The following AGAP1 variants were observed in gnomAD, a reference collection of about 807,000 sequenced individuals.
The protein encoded by AGAP1 is ArfGAP with GTPase domain, ankyrin repeat and PH domain 1, also known as arf-GAP with GTPase, ANK repeat and PH domain-containing protein 1.
AGAP1 carries 29 observed loss-of-function variants against 105.3 expected under a neutral mutation model. The ratio of observed to expected loss-of-function variants is 0.28; its 90% confidence interval spans 0.21 to 0.38. AGAP1 has a LOEUF of 0.38. Among genes scored for constraint, AGAP1 ranks in the 10% least tolerant of loss-of-function variants. The pLI, the probability that AGAP1 is intolerant of heterozygous loss-of-function variation, is 1.00. For synonymous variants in AGAP1, 509 were observed against 485.9 expected (o/e 1.05, Z -0.63); for missense variants, 998 against 1,165.1 (o/e 0.86, Z 2.09).
chr2:235,860,302 T>A (rs943249208), intron 9 of AGAP1, among the ~76,000 whole-genome samples: 8 of 152,218 alleles, frequency 5.3e-5, no homozygotes, highest in African/African-American at 1.9e-4. Context: ...AGTCATTACG[T>A]AAGTGCGTTC....
chr2:235,712,983 G>A lies in AGAP1; in HGVS notation c.222+3746G>A, dbSNP rs754323604. ...AATGATGCCATCGTGTGTGACTGAG[G>A]TGGTCTGTGAGATGGCTGTTCCAGC... is the stretch of plus-strand genomic sequence containing the variant. On this transcript the variant is annotated intron_variant, in intron 2 of 17. Coordinates refer to ENST00000304032, the MANE Select transcript of AGAP1 (RefSeq NM_001037131.3). The surrounding 1 kb of genome is among the most constrained non-coding windows in gnomAD (Gnocchi z 6.0). 3.3e-5 allele frequency among the ~76,000 whole-genome samples: 5 copies of A among 152,198 alleles called. No individual in the cohort carries two copies. The South Asian group carries it at 6.2e-4, about 19-fold the overall frequency.
Position 235,992,779 on chromosome 2 carries a change from T to C in AGAP1, c.1645+24156T>C, listed in dbSNP as rs1398400582. ...CGCCGAGGAGAGCGTAGCCTCCTGT[T>C]AACGTAGCCTCCTGCTGCTCTTTGG... On this transcript the variant is annotated intron_variant, in intron 13 of 17. Coordinates refer to ENST00000304032, the MANE Select transcript of AGAP1 (RefSeq NM_001037131.3). This position sits in a 1 kb window ranked among gnomAD's most constrained non-coding sequence, Gnocchi z 4.8. 3.3e-5 allele frequency among the ~76,000 whole-genome samples: 5 copies of C among 152,174 alleles called. No homozygotes were observed. The highest frequency in any genetic ancestry group is 1.2e-4 in the African/African-American group (5 of 41,450).
At chr2:235,638,110 G>T (rs1472006421) in intron 1 of AGAP1, among the ~76,000 whole-genome samples, 2 of 152,326 alleles carry the variant, frequency 1.3e-5, no homozygotes, top group Non-Finnish European at 2.9e-5. Context: ...GAAATGCCCA[G>T]TCAAACTGAC....
In AGAP1 at chr2:235,733,481, C is replaced by G. The variant is rs544867523; in HGVS notation, c.311-7482C>G. Reference sequence around the variant, plus strand: ...TGAGGTTTATTATGTAAAGCCGTGCCCCTTTTCCTGTTGGATGGTGAAGTT... The same window carrying G: ...TGAGGTTTATTATGTAAAGCCGTGCGCCTTTTCCTGTTGGATGGTGAAGTT... On this transcript the variant is annotated intron_variant, in intron 3 of 17. Coordinates refer to ENST00000304032, the MANE Select transcript of AGAP1 (RefSeq NM_001037131.3). The surrounding 1 kb of genome is among the most constrained non-coding windows in gnomAD (Gnocchi z 5.0). Among the ~76,000 whole-genome samples, 3 of 152,264 alleles carry G rather than the reference C, an allele frequency of 2.0e-5. No individual in the cohort carries two copies. The highest frequency in any genetic ancestry group is 2.9e-5 in the Non-Finnish European group (2 of 68,028).
chr2:235,566,764 G>A lies in AGAP1; in HGVS notation c.163+71915G>A, dbSNP rs1024680087. Among the ~76,000 whole-genome samples the A allele has an allele frequency of 6.6e-6, 1 of 152,164 alleles. No homozygotes were observed. The highest frequency in any genetic ancestry group is 6.5e-5 in the Admixed American group (1 of 15,284). ...GACCCTAGATTTCCCTGCCTGAAGG[G>A]GGCCCCGTGTTAGTTTCCTGTGGCT... On this transcript the variant is annotated intron_variant, in intron 1 of 17. Coordinates refer to ENST00000304032, the MANE Select transcript of AGAP1 (RefSeq NM_001037131.3). This position sits in a 1 kb window ranked among gnomAD's most constrained non-coding sequence, Gnocchi z 5.2.
At chr2:235,937,205 C>G (rs1300050186) in intron 12 of AGAP1, among the ~76,000 whole-genome samples, 5 of 152,184 alleles carry the variant, frequency 3.3e-5, no homozygotes, top group African/African-American at 1.2e-4. Flanking sequence ...TGGGCACTCC[C>G]TGCCTCACCG....
intron 13 of AGAP1, among the ~76,000 whole-genome samples, chr2:235,975,793 G>A (rs1331891047): frequency 3.3e-5 from 5 of 152,064 alleles, no homozygotes; most frequent in Admixed American, 6.6e-5. Context: ...GGCACCTCCC[G>A]TGTCTGCTCC....
chr2:235,657,499 C>T (rs1683049630), intron 1 of AGAP1, among the ~76,000 whole-genome samples: 1 of 152,152 alleles, frequency 6.6e-6, no homozygotes, highest in South Asian at 2.1e-4. Context: ...CTGCCTCAGC[C>T]TCTGGGGTAG....
chr2:235,615,911 C>T lies in AGAP1; in HGVS notation c.164-93268C>T, dbSNP rs1334467360. On this transcript the variant is annotated intron_variant, in intron 1 of 17. Transcript: ENST00000304032. This position sits in a 1 kb window ranked among gnomAD's most constrained non-coding sequence, Gnocchi z 5.0. ...ACAAAAATATGTATTACATATAGAG[C>T]ATTGTCTTCTATATGTAAAGAGTTC... Among the ~76,000 whole-genome samples the T allele has an allele frequency of 6.6e-6, 1 of 152,078 alleles. No homozygotes were observed. The highest frequency in any genetic ancestry group is 1.5e-5 in the Non-Finnish European group (1 of 68,020).
Position 236,124,537 on chromosome 2 carries a change from C to T in AGAP1, c.*415C>T, listed in dbSNP as rs756230431. ...CATAGTACATTTCCCCTCTACCAAA[C>T]GGAACACTTGGATTCCATCTCTTCT... On this transcript the variant is annotated 3_prime_UTR_variant, in exon 18 of 18. Coordinates refer to ENST00000304032, the MANE Select transcript of AGAP1 (RefSeq NM_001037131.3). This position sits in a 1 kb window ranked among gnomAD's most constrained non-coding sequence, Gnocchi z 5.1. 41 of 229,470 alleles carry T rather than the reference C, an allele frequency of 1.8e-4. No individual in the cohort carries two copies. The highest frequency in any genetic ancestry group is 5.7e-4 in the African/African-American group (25 of 43,796). 14.2% of individuals were successfully genotyped at this position (229,470 alleles called of 1,614,324 possible).
chr2:235,532,658 G>A (rs1943083159), intron 1 of AGAP1, among the ~76,000 whole-genome samples: 1 of 151,972 alleles, frequency 6.6e-6, no homozygotes, highest in Admixed American at 6.5e-5. Flanking sequence ...GTATTGAGAT[G>A]GACTCATCTC....
intron 16 of AGAP1, among the ~76,000 whole-genome samples, chr2:236,106,836 C>A (rs931658336): frequency 6.6e-6 from 1 of 152,172 alleles, no homozygotes; most frequent in Non-Finnish European, 1.5e-5. Flanking sequence ...AAGCCAAGAA[C>A]CCCTGCTGCC....
chr2:235,838,189 AC>A (rs961942351), intron 9 of AGAP1, among the ~76,000 whole-genome samples: 1 of 140,002 alleles, frequency 7.1e-6, no homozygotes, highest in Non-Finnish European at 1.6e-5. Context: ...GTGTCCCCCC[AC>A]CCCCCCAAAA....
chr2:236,010,648 C>A (rs2056478588), intron 13 of AGAP1, among the ~76,000 whole-genome samples: 1 of 152,148 alleles, frequency 6.6e-6, no homozygotes, highest in Non-Finnish European at 1.5e-5. Context: ...CAGAAGGTGC[C>A]ACAGTGATCT....
In AGAP1 at chr2:235,600,917, C is replaced by T. The variant is rs1945707859; in HGVS notation, c.163+106068C>T. On this transcript the variant is annotated intron_variant, in intron 1 of 17. Transcript: ENST00000304032. This position sits in a 1 kb window ranked among gnomAD's most constrained non-coding sequence, Gnocchi z 4.8. ...AACCAGCATACCCACCATTGTTTCA[C>T]CTGCAGCCTCCCCCATCTCAGCTGG... Among the ~76,000 whole-genome samples, 1 of 152,192 alleles carries T rather than the reference C, an allele frequency of 6.6e-6. No individual in the cohort carries two copies. Among genetic ancestry groups the T allele is most frequent in the Admixed American group, 6.5e-5 (1 of 15,286 alleles).
At chr2:235,707,357 C>T (rs1485177990) in intron 1 of AGAP1, among the ~76,000 whole-genome samples, 1 of 151,948 alleles carries the variant, frequency 6.6e-6, no homozygotes, top group Admixed American at 6.6e-5. Flanking sequence ...GCTGTCCTTT[C>T]CTGGAGCAGG....
In AGAP1 at chr2:235,747,061, C is replaced by T. The variant is rs954469051; in HGVS notation, c.538+2222C>T. On this transcript the variant is annotated intron_variant, in intron 5 of 17. Coordinates refer to ENST00000304032, the MANE Select transcript of AGAP1 (RefSeq NM_001037131.3). This position sits in a 1 kb window ranked among gnomAD's most constrained non-coding sequence, Gnocchi z 5.0. ...ATTCCCAGAAGACACTCAGTGCATC[C>T]GTGGGTATGTGATAGGCATCTTAAC... is the stretch of plus-strand genomic sequence containing the variant. Among the ~76,000 whole-genome samples, 3 of 152,100 alleles carry T rather than the reference C, an allele frequency of 2.0e-5. No homozygotes were observed. The highest frequency in any genetic ancestry group is 4.8e-5 in the African/African-American group (2 of 41,410).
At chr2:235,592,486 A>AG (rs1234117990) in intron 1 of AGAP1, among the ~76,000 whole-genome samples, 1 of 152,190 alleles carries the variant, frequency 6.6e-6, no homozygotes, top group African/African-American at 2.4e-5. Flanking sequence ...GCAGGGCTCC[A>AG]GGAGAGGCTC....
intron 1 of AGAP1, among the ~76,000 whole-genome samples, chr2:235,626,923 A>G (rs1946656350): frequency 6.6e-6 from 1 of 152,208 alleles, no homozygotes; most frequent in Non-Finnish European, 1.5e-5. Flanking sequence ...TCTCTGTTCT[A>G]ATATGTCCCA....
Sources: allele counts gnomAD v4.1 joint callset (sites outside exome capture counted in the v4.1 genomes callset), GRCh38; gene constraint gnomAD v4.1.1; non-coding constraint Gnocchi (gnomAD v3.1); transcripts MANE v1.5; gene names NCBI Gene and HGNC (gene_info 2026-07-23, HGNC 2026-07-21).